The following PLA2G4C variants were observed in gnomAD, a reference collection of about 807,000 sequenced individuals.
The protein encoded by PLA2G4C is cytosolic phospholipase A2 gamma.
PLA2G4C carries 64 observed loss-of-function variants against 73.8 expected under a neutral mutation model. That is an observed-to-expected ratio of 0.87 (90% confidence interval 0.71 to 1.07). The LOEUF (loss-of-function observed/expected upper bound fraction) is 1.07. Ranked by LOEUF, PLA2G4C falls within the 50% of genes least tolerant of loss-of-function variation. The probability of loss-of-function intolerance (pLI) is 0.00; values close to 1 mark genes in which losing one functional copy is unlikely to be tolerated. For synonymous variants in PLA2G4C, 254 were observed against 252.1 expected, an observed-to-expected ratio of 1.01 and a Z score of -0.07; for missense variants, 622 against 665.4, an observed-to-expected ratio of 0.93 and a Z score of 0.72.
intron 13 of PLA2G4C, among the ~76,000 whole-genome samples, chr19:48,066,565 G>A (rs893933052): frequency 6.6e-6 from 1 of 152,052 alleles, no homozygotes; most frequent in African/African-American, 2.4e-5. Context: ...TGGCCAGGGG[G>A]GCACATTTTG....
chr19:48,106,515 G>A lies in PLA2G4C; in HGVS notation c.8+7C>T, dbSNP rs2032244786. 2 of 1,605,862 alleles carry A rather than the reference G, an allele frequency of 1.2e-6. No homozygotes were observed. Among genetic ancestry groups the A allele is most frequent in the South Asian group, 2.2e-5 (2 of 90,928 alleles). On this transcript the variant is annotated splice_region_variant and intron_variant, in intron 2 of 16. Coordinates refer to ENST00000599921, the MANE Select transcript of PLA2G4C (RefSeq NM_003706.3). ...TCCCCATAGTGGTCAGCTCTAAGAG[G>A]ACTTACCTTCCCATGGTGCACTGCG...
intron 11 of PLA2G4C, among the ~76,000 whole-genome samples, chr19:48,076,345 C>T (rs2030155791): frequency 6.6e-6 from 1 of 152,116 alleles, no homozygotes; most frequent in Admixed American, 6.6e-5. Flanking sequence ...AGCTGGTGCC[C>T]AATACTTCCA....
chr19:48,073,077 G>T (rs1205869996), intron 12 of PLA2G4C: 2 of 152,264 alleles, frequency 1.3e-5, no homozygotes, highest in African/African-American at 2.4e-5. Flanking sequence ...ACAGGGTCTT[G>T]CTCTGTCACC....
At position 48,110,488 on chromosome 19, in the gene PLA2G4C, T is replaced by C. The variant is rs538865330; in HGVS notation, c.-34A>G. 12 of 1,473,432 alleles carry C rather than the reference T, an allele frequency of 8.1e-6. No homozygotes were observed. The highest frequency in any genetic ancestry group is 4.4e-5 in the African/African-American group (2 of 45,022). 91.3% of individuals were successfully genotyped at this position (1,473,432 alleles called of 1,614,324 possible). On this transcript the variant is annotated splice_region_variant and 5_prime_UTR_variant, in exon 1 of 17. Transcript: ENST00000599921. ...GCCCTCCCTGCCCCCACGGCTTGCC[T>C]GAGCCTGGGTCTGGGGCGTGTGCGC...
intron 11 of PLA2G4C, 96 bp from the exon 12 acceptor site, chr19:48,074,970 C>T (rs768140125): frequency 6.2e-5 from 49 of 787,996 alleles, no homozygotes; most frequent in South Asian, 1.5e-4. Context: ...CAATGCCCTG[C>T]GGTTCCTCCT....
chr19:48,082,303 A>G (rs1418847968), intron 10 of PLA2G4C, among the ~76,000 whole-genome samples: 1 of 152,050 alleles, frequency 6.6e-6, no homozygotes, highest in Non-Finnish European at 1.5e-5. Flanking sequence ...TATAATTAAA[A>G]TATTGTACAT....
chr19:48,049,483 C>G (rs1444172028), intron 16 of PLA2G4C, among the ~76,000 whole-genome samples: 2 of 128,652 alleles, frequency 1.6e-5, no homozygotes, highest in African/African-American at 5.4e-5. Flanking sequence ...CTTTGTTTAC[C>G]TGTTTATGTC....
At chr19:48,090,725 CT>C (rs3833255) in intron 7 of PLA2G4C, 20,027 of 354,062 alleles carry the variant, frequency 0.057, 746 homozygotes, top group Non-Finnish European at 0.071. Flanking sequence ...CATGCCAACC[CT>C]TCTCAGCACA....
intron 11 of PLA2G4C, 141 bp from the exon 12 acceptor site, chr19:48,075,015 C>G (rs2030044176): frequency 3.5e-6 from 2 of 564,194 alleles, no homozygotes; most frequent in Non-Finnish European, 3.1e-6. Flanking sequence ...CCCTCTCTCC[C>G]CTTGCCTTCT....
At chr19:48,051,365 T>C (rs1274367829) in intron 16 of PLA2G4C, among the ~76,000 whole-genome samples, 1 of 152,210 alleles carries the variant, frequency 6.6e-6, no homozygotes, top group Non-Finnish European at 1.5e-5. Context: ...GGGTAACGTA[T>C]AAACAAAAGA....
chr19:48,048,455 T>G (rs1967603220), intron 16 of PLA2G4C, 67 bp from the exon 17 acceptor site: 1 of 1,114,618 alleles, frequency 9.0e-7, no homozygotes, highest in Non-Finnish European at 1.3e-6. Context: ...CTGGATAAGA[T>G]TAGAAGACCT....
At chr19:48,102,122 T>C (rs534043842) in intron 4 of PLA2G4C, among the ~76,000 whole-genome samples, 1 of 152,164 alleles carries the variant, frequency 6.6e-6, no homozygotes, top group South Asian at 2.1e-4. Context: ...AAAATGCTAA[T>C]GTTTTGGATA....
At position 48,047,879 on chromosome 19, in the gene PLA2G4C, C is replaced by T. The variant is rs538991348; in HGVS notation, c.*464G>A. 184 of 169,502 alleles carry T rather than the reference C, an allele frequency of 1.1e-3. 2 individuals are homozygous for T. Among genetic ancestry groups the T allele is most frequent in the African/African-American group, 4.2e-3 (177 of 41,720 alleles). 10.5% of individuals were successfully genotyped at this position (169,502 alleles called of 1,614,324 possible). A position where few individuals can be genotyped will look rare whatever the true frequency, so the allele number is the denominator to read the frequency against. ...TCAATCAGCAAGCATTTATTGAGCA[C>T]TTGTTGTATTCTCAGAGCTCCACTT... On this transcript the variant is annotated 3_prime_UTR_variant, in exon 17 of 17. Transcript: ENST00000599921.
At chr19:48,081,281 T>G (rs1454445504) in intron 10 of PLA2G4C, among the ~76,000 whole-genome samples, 1 of 152,120 alleles carries the variant, frequency 6.6e-6, no homozygotes, top group Non-Finnish European at 1.5e-5. Flanking sequence ...TAAAATAATG[T>G]CTTTTGCAGA....
chr19:48,059,131 T>C (rs1165689923), intron 14 of PLA2G4C, among the ~76,000 whole-genome samples: 1 of 151,548 alleles, frequency 6.6e-6, no homozygotes, highest in Non-Finnish European at 1.5e-5. Flanking sequence ...ATTAGCTGGG[T>C]GTGGTGGCGC....
At chr19:48,062,243 G>T (rs1439390413) in intron 13 of PLA2G4C, 91 bp from the exon 14 acceptor site, 4 of 1,164,674 alleles carry the variant, frequency 3.4e-6, no homozygotes, top group South Asian at 1.6e-5. Flanking sequence ...ATGGGAAAAT[G>T]ATCGTTGTCA....
chr19:48,109,468 TG>T (rs1453508019), intron 1 of PLA2G4C, among the ~76,000 whole-genome samples: 1 of 151,966 alleles, frequency 6.6e-6, no homozygotes, highest in Non-Finnish European at 1.5e-5. Flanking sequence ...GATCAGGTCT[TG>T]TTATGTCACC....
At chr19:48,051,746 CAG>C (rs1350581556) in intron 16 of PLA2G4C, 1 of 151,958 alleles carries the variant, frequency 6.6e-6, no homozygotes, top group Non-Finnish European at 1.5e-5. Context: ...GGTGGGGACA[CAG>C]AGCCAAACCA....
intron 14 of PLA2G4C, among the ~76,000 whole-genome samples, chr19:48,056,769 T>C (rs1042875256): frequency 6.7e-6 from 1 of 149,220 alleles, no homozygotes; most frequent in African/African-American, 2.5e-5. Flanking sequence ...GAGGCAGAGA[T>C]TGCAGTGAGC....
Sources: allele counts gnomAD v4.1 joint callset (sites outside exome capture counted in the v4.1 genomes callset), GRCh38; gene constraint gnomAD v4.1.1; transcripts MANE v1.5; gene names NCBI Gene and HGNC (gene_info 2026-07-23, HGNC 2026-07-21).